Variants in ZNF341 observed in about 807,000 individuals in gnomAD.
The protein encoded by ZNF341 is zinc finger protein 341.
In ZNF341, 52 loss-of-function variants were observed where a neutral mutation model predicts 87.7. That is an observed-to-expected ratio of 0.59 (90% CI 0.47 to 0.75). The LOEUF (loss-of-function observed/expected upper bound fraction) is 0.75. Ranked by LOEUF, ZNF341 falls within the 30% of genes least tolerant of loss-of-function variation. ZNF341 has a pLI of 0.00. For synonymous variants in ZNF341, 459 were observed against 472.7 expected, an observed-to-expected ratio of 0.97 and a Z score of 0.38; for missense variants, 977 against 1,145.9, an observed-to-expected ratio of 0.85 and a Z score of 2.13.
At chr20:33,761,738 G>A (rs2122686002) in intron 7 of ZNF341, 124 bp from the exon 8 acceptor site, 1 of 794,340 alleles carries the variant, frequency 1.3e-6, no homozygotes, top group Non-Finnish European at 1.9e-6. Flanking sequence ...TGTCGCCGTG[G>A]TGTCAGAATG....
At chr20:33,750,918 G>A (rs1437484872) in intron 4 of ZNF341, among the ~76,000 whole-genome samples, 1 of 152,114 alleles carries the variant, frequency 6.6e-6, no homozygotes, top group African/African-American at 2.4e-5. Context: ...TGGGATTACA[G>A]GCGTGAGCCA....
intron 1 of ZNF341, among the ~76,000 whole-genome samples, chr20:33,733,455 A>T (rs6120358): frequency 0.38 from 56,252 of 149,786 alleles, 12,824 homozygotes; most frequent in East Asian, 0.7. Flanking sequence ...GCGAGCATGG[A>T]CTCGATCTCG....
Position 33,791,895 on chromosome 20 carries a change from A to G in ZNF341, c.*378A>G, listed in dbSNP as rs1157001770. 8.9e-6 allele frequency: 2 copies of G among 224,254 alleles called. No homozygotes were observed. The highest frequency in any genetic ancestry group is 5.3e-5 in the Admixed American group (1 of 18,906). The allele number at this position is 224,254 out of a possible 1,614,324, so 13.9% of individuals were successfully genotyped here. On this transcript the variant is annotated 3_prime_UTR_variant, in exon 15 of 15. Transcript: ENST00000375200. ...TCCAGGCTGCCTCTGGGTAGCCTCT[A>G]GTCTGCTGTTCTTCAGGAGGCCTGC...
chr20:33,760,444 A>G (rs1053672213), intron 7 of ZNF341, among the ~76,000 whole-genome samples: 1 of 152,188 alleles, frequency 6.6e-6, no homozygotes. Context: ...GCGCTGTCCA[A>G]TATGGTAGCT....
chr20:33,775,219 T>G lies in ZNF341; in HGVS notation c.1622+4927T>G, dbSNP rs181421252. Among the ~76,000 whole-genome samples the G allele has an allele frequency of 6.1e-4, 93 of 151,714 alleles. 2 individuals are homozygous for G. In the South Asian group the frequency reaches 0.011, roughly 18 times the overall value. ...CAGAGTTGAAAGGGTTTTGTTTTTTTTTTTTTTTGAGATGGAGTCTCGCTC... is the reference window on the plus strand; with the variant it reads ...CAGAGTTGAAAGGGTTTTGTTTTTTGTTTTTTTTGAGATGGAGTCTCGCTC... On this transcript the variant is annotated intron_variant, in intron 10 of 14. Coordinates refer to ENST00000375200, the MANE Select transcript of ZNF341 (RefSeq NM_001282933.2).
At position 33,791,116 on chromosome 20, in the gene ZNF341, C is replaced by T. The variant is rs368945563; in HGVS notation, c.2164C>T (p.Arg722Cys). The change falls in exon 15 of 15, where the codon CGC becomes TGC. Residue 722 changes from arginine to cysteine, a missense_variant. This residue lies in a region of ZNF341 where 221 missense variants were observed against 212.7 expected (regional missense o/e 1.04). Coordinates refer to ENST00000375200, the MANE Select transcript of ZNF341 (RefSeq NM_001282933.2). ...TGCTGGCTGCGCCAAGGGCTTTTCC[C>T]GCCACAAATACCTCAAAGATCACCG... is the stretch of plus-strand genomic sequence containing the variant. Reference protein sequence around the residue: ...RCAGCAKGFSRHKYLKDHRCR... With the variant: ...RCAGCAKGFSCHKYLKDHRCR... The T allele has an allele frequency of 5.8e-5, 93 of 1,613,346 alleles. No individual in the cohort carries two copies. The Admixed American group carries it at 9.5e-4, about 16-fold the overall frequency.
chr20:33,742,077 T>C (rs905339929), intron 2 of ZNF341, among the ~76,000 whole-genome samples: 1 of 152,210 alleles, frequency 6.6e-6, no homozygotes, highest in Admixed American at 6.6e-5. Context: ...AGACTCCTTC[T>C]TTCCTGTGGC....
chr20:33,753,073 G>C, intron 4 of ZNF341, 99 bp from the exon 5 acceptor site: 1 of 1,565,072 alleles, frequency 6.4e-7, no homozygotes, highest in South Asian at 1.2e-5. Context: ...GTAAGTAGCT[G>C]TTTTTCCACC....
chr20:33,753,221 C>T lies in ZNF341; in HGVS notation c.539C>T (p.Pro180Leu). ...SVPSYLTQPP[P>L]PPPPPPPLPP... ...CCCAGCTACCTCACCCAGCCTCCAC[C>T]TCCTCCTCCACCTCCTCCACCACTG... Residue 180 changes from proline (P) to leucine (L), a missense_variant, in exon 5 of 15, where the codon CCT becomes CTT. By Grantham distance (98) the Pro-to-Leu change is moderately conservative. Transcript: ENST00000375200. The T allele has an allele frequency of 6.2e-7, 1 of 1,612,014 alleles. No homozygotes were observed. The highest frequency in any genetic ancestry group is 8.5e-7 in the Non-Finnish European group (1 of 1,179,932).
At chr20:33,750,039 C>G (rs187507473) in intron 4 of ZNF341, among the ~76,000 whole-genome samples, 2 of 152,106 alleles carry the variant, frequency 1.3e-5, no homozygotes, top group Non-Finnish European at 2.9e-5. Flanking sequence ...TGTGCGCCAC[C>G]GCGCCCAGCC....
intron 4 of ZNF341, chr20:33,752,108 G>A (rs1269398021): frequency 5.8e-6 from 2 of 344,460 alleles, no homozygotes; most frequent in Non-Finnish European, 1.1e-5. Flanking sequence ...CTGCAAGCAA[G>A]CCCCCCCCCC....
chr20:33,745,205 C>T lies in ZNF341; in HGVS notation c.245C>T (p.Ala82Val), dbSNP rs2018891960. 6.2e-7 allele frequency: 1 copy of T among 1,614,200 alleles called. No homozygotes were observed. Among genetic ancestry groups the T allele is most frequent in the Non-Finnish European group, 8.5e-7 (1 of 1,180,040 alleles). Reference protein sequence around the residue: ...KREQCQGNAPALATVSLATNS... With the variant: ...KREQCQGNAPVLATVSLATNS... ...GAACAGTGCCAGGGGAATGCCCCCGCCCTGGCCACAGTCTCACTGGCCACC... is the reference window on the plus strand; with the variant it reads ...GAACAGTGCCAGGGGAATGCCCCCGTCCTGGCCACAGTCTCACTGGCCACC... Residue 82 changes from alanine (A) to valine (V), a missense_variant, in exon 3 of 15, where the codon GCC becomes GTC. Physicochemically the swap from Ala to Val is moderately conservative, Grantham distance 64. Transcript: ENST00000375200.
Position 33,791,010 on chromosome 20 carries a change from C to G in ZNF341, c.2058C>G (p.Ala686=), listed in dbSNP as rs2020004297. The part of the protein sequence containing the change: ...SHSGMKLHKC[A]LCSKSFSRRA... Reference sequence around the variant, plus strand: ...CAGGCATGAAGCTCCACAAATGCGCCCTGTGCAGCAAGTCCTTCAGCCGCC... The same window carrying G: ...CAGGCATGAAGCTCCACAAATGCGCGCTGTGCAGCAAGTCCTTCAGCCGCC... The change falls in exon 15 of 15, where the codon GCC becomes GCG. Residue 686 remains alanine (A), a synonymous_variant. Transcript: ENST00000375200. 6.2e-7 allele frequency: 1 copy of G among 1,612,928 alleles called. No homozygotes were observed. The highest frequency in any genetic ancestry group is 1.7e-5 in the Admixed American group (1 of 59,966).
intron 6 of ZNF341, 129 bp from the exon 7 acceptor site, chr20:33,758,587 G>A (rs2019228671): frequency 1.5e-6 from 1 of 663,014 alleles, no homozygotes; most frequent in Non-Finnish European, 2.6e-6. Context: ...CTCCTCCCTG[G>A]CCTGTGTATG....
Position 33,791,618 on chromosome 20 carries a change from T to C in ZNF341, c.*101T>C. 7.7e-7 allele frequency: 1 copy of C among 1,306,980 alleles called. No individual in the cohort carries two copies. Among genetic ancestry groups the C allele is most frequent in the Non-Finnish European group, 1.0e-6 (1 of 988,080 alleles). The allele number at this position is 1,306,980 out of a possible 1,614,324, so 81.0% of individuals were successfully genotyped here. ...GATCCTTACCAGTGGAAGCGAGCCA[T>C]CGAGCCATTGGCAGAAATCCTGCTG... On this transcript the variant is annotated 3_prime_UTR_variant, in exon 15 of 15. Coordinates refer to ENST00000375200, the MANE Select transcript of ZNF341 (RefSeq NM_001282933.2).
At chr20:33,781,480 C>G in intron 11 of ZNF341, 93 bp downstream of exon 11, 2 of 1,165,284 alleles carry the variant, frequency 1.7e-6, no homozygotes, top group Non-Finnish European at 2.6e-6. Context: ...CTTCTCCTCT[C>G]TCACCATAGG....
intron 6 of ZNF341, 42 bp downstream of exon 6, chr20:33,757,385 G>C (rs1601253754): frequency 7.1e-7 from 1 of 1,414,964 alleles, no homozygotes; most frequent in Non-Finnish European, 9.3e-7. Context: ...CTCAACATTG[G>C]CCAATCCACA....
intron 9 of ZNF341, among the ~76,000 whole-genome samples, chr20:33,767,654 G>A (rs537323208): frequency 6.6e-6 from 1 of 152,280 alleles, no homozygotes; most frequent in Non-Finnish European, 1.5e-5. Flanking sequence ...TTTTATAGGA[G>A]CAAGAAAGCT....
chr20:33,759,584 G>A (rs1352501595), intron 7 of ZNF341, among the ~76,000 whole-genome samples: 3 of 152,028 alleles, frequency 2.0e-5, no homozygotes, highest in African/African-American at 2.4e-5. Flanking sequence ...GTGCCTGGCC[G>A]ATGAGATGAT....
Sources: allele counts gnomAD v4.1 joint callset (sites outside exome capture counted in the v4.1 genomes callset), GRCh38; gene constraint gnomAD v4.1.1; regional missense constraint gnomAD v4.1.1; transcripts MANE v1.5; gene names NCBI Gene and HGNC (gene_info 2026-07-23, HGNC 2026-07-21).